Variants in TASP1 observed in about 807,000 individuals in gnomAD.
TASP1 encodes threonine aspartase 1.
Under a neutral mutation model 56.6 loss-of-function variants are expected in TASP1, and 16 were observed. The ratio of observed to expected loss-of-function variants is 0.28; its 90% CI spans 0.19 to 0.43. TASP1 has a LOEUF of 0.43. TASP1 is among the 20% of genes least tolerant of loss of function. The pLI, the probability that TASP1 is intolerant of heterozygous loss-of-function variation, is 1.00. For missense variants in TASP1, 393 were observed against 511.6 expected (o/e 0.77, Z 2.24); for synonymous variants, 179 against 184.2 (o/e 0.97, Z 0.23).
Position 13,564,020 on chromosome 20 carries a change from T to C in TASP1, c.569-4906A>G, listed in dbSNP as rs577798359. ...TATGTACTTTTACCACTTCTAGTACTAGAAGTCCAAACCTAATATTAGAAG... is the reference window on the plus strand; with the variant it reads ...TATGTACTTTTACCACTTCTAGTACCAGAAGTCCAAACCTAATATTAGAAG... On this transcript the variant is annotated intron_variant, in intron 7 of 13. Coordinates refer to ENST00000337743, the MANE Select transcript of TASP1 (RefSeq NM_017714.3). 1.4e-3 allele frequency among the ~76,000 whole-genome samples: 211 copies of C among 152,290 alleles called. 1 individual carries two copies. Among genetic ancestry groups the C allele is most frequent in the African/African-American group, 4.8e-3 (198 of 41,560 alleles).
At chr20:13,249,119 G>A in the TASP1 span, among the ~76,000 whole-genome samples, 1 of 152,090 alleles carries the variant, frequency 6.6e-6, no homozygotes, top group Admixed American at 6.6e-5. Context: ...GAATTTTTTA[G>A]GATGATTTTT....
At chr20:13,355,415 T>C in the TASP1 span, among the ~76,000 whole-genome samples, 2 of 152,170 alleles carry the variant, frequency 1.3e-5, no homozygotes, top group South Asian at 2.1e-4. Context: ...CTCCAGATGA[T>C]AGGACAATAT....
At chr20:13,268,340 T>C in the TASP1 span, among the ~76,000 whole-genome samples, 1 of 144,692 alleles carries the variant, frequency 6.9e-6, no homozygotes, top group Non-Finnish European at 1.5e-5. Flanking sequence ...TCCTTCTCCT[T>C]CTTCTTCCTC....
the TASP1 span, among the ~76,000 whole-genome samples, chr20:13,220,657 G>A: frequency 2.5e-3 from 377 of 152,328 alleles, 2 homozygotes; most frequent in African/African-American, 8.7e-3. Context: ...CCCTTCCCAG[G>A]CTCTACGGGG....
At chr20:13,544,732 T>C (rs1036786582) in intron 8 of TASP1, among the ~76,000 whole-genome samples, 4 of 152,346 alleles carry the variant, frequency 2.6e-5, no homozygotes, top group East Asian at 1.9e-4. Flanking sequence ...CTAGCTATGG[T>C]CTGGACCTCT....
At chr20:13,179,607 A>G in the TASP1 span, among the ~76,000 whole-genome samples, 15 of 152,280 alleles carry the variant, frequency 9.9e-5, no homozygotes, top group East Asian at 1.2e-3. Flanking sequence ...AAGACTGCTT[A>G]GAGGTTTGTG....
At chr20:13,110,254 G>T in the TASP1 span, 1 of 1,571,290 alleles carries the variant, frequency 6.4e-7, no homozygotes, top group Non-Finnish European at 8.7e-7. Flanking sequence ...CGACTCGGAG[G>T]CCTGCAGCAA....
At position 13,578,451 on chromosome 20, in the gene TASP1, G is replaced by A. The variant is rs561408560; in HGVS notation, c.488+2446C>T. On this transcript the variant is annotated intron_variant, in intron 6 of 13. Coordinates refer to ENST00000337743, the MANE Select transcript of TASP1 (RefSeq NM_017714.3). ...AAAGGACATACTGTCTTTTAATTCTGATCGTAGTATCTTCACTTGTATAAT... is the reference window on the plus strand; with the variant it reads ...AAAGGACATACTGTCTTTTAATTCTAATCGTAGTATCTTCACTTGTATAAT... 9.9e-5 allele frequency among the ~76,000 whole-genome samples: 15 copies of A among 152,066 alleles called. No individual in the cohort carries two copies. The South Asian group carries it at 3.1e-3, about 32-fold the overall frequency.
intron 12 of TASP1, 51 bp from the exon 13 acceptor site, chr20:13,417,572 T>C (rs1185886304): frequency 6.3e-7 from 1 of 1,598,046 alleles, no homozygotes. Flanking sequence ...AGATGGAAAA[T>C]AAATCTTTGC....
intron 13 of TASP1, among the ~76,000 whole-genome samples, chr20:13,398,599 A>G (rs1209835193): frequency 2.0e-5 from 3 of 152,362 alleles, no homozygotes; most frequent in African/African-American, 7.2e-5. Context: ...TACAAAAAAT[A>G]TGCTGAAACT....
At chr20:13,117,478 G>A in the TASP1 span, 39 of 1,547,010 alleles carry the variant, frequency 2.5e-5, no homozygotes, top group East Asian at 4.5e-4. Flanking sequence ...GTATTTGTTA[G>A]TTATGAGCAT....
the TASP1 span, among the ~76,000 whole-genome samples, chr20:13,322,428 G>A: frequency 6.6e-6 from 1 of 152,130 alleles, no homozygotes; most frequent in African/African-American, 2.4e-5. Flanking sequence ...CTGCCAACTC[G>A]CTTGCTTCAT....
At chr20:13,304,021 T>C in the TASP1 span, among the ~76,000 whole-genome samples, 2 of 152,232 alleles carry the variant, frequency 1.3e-5, no homozygotes, top group African/African-American at 2.4e-5. Context: ...TCCTTCCATC[T>C]TGTGGCTCTG....
At chr20:13,487,438 A>T (rs2043365351) in intron 10 of TASP1, among the ~76,000 whole-genome samples, 1 of 152,144 alleles carries the variant, frequency 6.6e-6, no homozygotes, top group Non-Finnish European at 1.5e-5. Flanking sequence ...GGATTCATAT[A>T]AAAACCCTGG....
chr20:13,479,826 T>C (rs1486962795), intron 11 of TASP1, among the ~76,000 whole-genome samples: 4 of 152,214 alleles, frequency 2.6e-5, no homozygotes, highest in African/African-American at 9.6e-5. Flanking sequence ...TAGTTTGGCT[T>C]GTGAACTAAA....
At chr20:13,408,445 A>G (rs1252575041) in intron 13 of TASP1, among the ~76,000 whole-genome samples, 3 of 152,166 alleles carry the variant, frequency 2.0e-5, no homozygotes, top group Admixed American at 2.0e-4. Context: ...TATTCATGAC[A>G]GCTATTGGTC....
At chr20:13,547,592 G>T (rs188552579) in intron 8 of TASP1, among the ~76,000 whole-genome samples, 42 of 152,280 alleles carry the variant, frequency 2.8e-4, no homozygotes, top group South Asian at 1.7e-3. Context: ...AGACAGTAAA[G>T]ATTCTATTAA....
chr20:13,604,989 T>C (rs1483488079), intron 4 of TASP1, among the ~76,000 whole-genome samples: 1 of 26,356 alleles, frequency 3.8e-5, no homozygotes, highest in East Asian at 1.8e-3. Context: ...ACATAATACA[T>C]ATATATATAT....
At chr20:13,584,699 G>C (rs1193646041) in intron 5 of TASP1, among the ~76,000 whole-genome samples, 1 of 152,072 alleles carries the variant, frequency 6.6e-6, no homozygotes, top group Non-Finnish European at 1.5e-5. Flanking sequence ...GTCTCTAAAA[G>C]CTTCAAGGGA....
Sources: gnomAD v4.1 joint callset for allele counts (sites outside exome capture counted in the v4.1 genomes callset) on GRCh38, gnomAD v4.1.1 for gene constraint, MANE v1.5 for transcripts, NCBI Gene and HGNC (gene_info 2026-07-23, HGNC 2026-07-21) for gene names.